SRBD1: variants seen among roughly 807,000 people sequenced by gnomAD.
SRBD1 encodes the protein S1 RNA binding domain 1, also known as S1 RNA-binding domain-containing protein 1.
Under a neutral mutation model 115.3 loss-of-function variants are expected in SRBD1, and 88 were observed. That is an observed-to-expected ratio of 0.76 (90% CI 0.64 to 0.91). The LOEUF (loss-of-function observed/expected upper bound fraction) is 0.91, where lower values mean the gene tolerates loss of function less well. Ranked by LOEUF, SRBD1 falls within the 40% of genes least tolerant of loss-of-function variation. The probability of loss-of-function intolerance (pLI) is 0.00; values close to 1 mark genes in which losing one functional copy is unlikely to be tolerated. For missense variants in SRBD1, 1,385 were observed against 1,177.4 expected, an observed-to-expected ratio of 1.18 and a Z score of -2.58; for synonymous variants, 509 against 407.7, an observed-to-expected ratio of 1.25 and a Z score of -2.99.
chr2:45,506,616 T>C (rs1485730106), intron 14 of SRBD1, among the ~76,000 whole-genome samples: 1 of 152,178 alleles, frequency 6.6e-6, no homozygotes, highest in East Asian at 1.9e-4. Context: ...TGTCATCAGC[T>C]AGCAAGTACT....
intron 7 of SRBD1, among the ~76,000 whole-genome samples, chr2:45,579,036 C>A (rs1366634385): frequency 1.3e-5 from 2 of 152,012 alleles, no homozygotes; most frequent in Non-Finnish European, 1.5e-5. Context: ...AGAGTAGAGA[C>A]CACCAAAACA....
rs1224474310 is a variant in SRBD1 at position 45,471,747 on chromosome 2, TAGAG to T, written c.2049+5242_2049+5245del. Reference sequence around the variant, plus strand: ...CCCTCTAAAATTTGGGTTTCTTTGATAGAGAGAAATTTGTTTCTTCCACAGTAAA... The same window carrying T: ...CCCTCTAAAATTTGGGTTTCTTTGATAGAAATTTGTTTCTTCCACAGTAAA... On this transcript the variant is annotated intron_variant, in intron 16 of 20. Coordinates refer to ENST00000263736, the MANE Select transcript of SRBD1 (RefSeq NM_018079.5). Among the ~76,000 whole-genome samples, 14 of 152,276 alleles carry T rather than the reference TAGAG, an allele frequency of 9.2e-5. No individual in the cohort carries two copies. The South Asian group carries it at 1.0e-3, about 11-fold the overall frequency.
At chr2:45,565,323 A>T (rs1290757166) in intron 9 of SRBD1, among the ~76,000 whole-genome samples, 1 of 152,212 alleles carries the variant, frequency 6.6e-6, no homozygotes, top group Admixed American at 6.5e-5. Flanking sequence ...AAATAAACTT[A>T]TACATATAGT....
rs1672375056 is a variant in SRBD1 at position 45,553,675 on chromosome 2, G to C, written c.1465C>G (p.Leu489Val). 6.2e-7 allele frequency: 1 copy of C among 1,608,428 alleles called. No individual in the cohort carries two copies. Among genetic ancestry groups the C allele is most frequent in the African/African-American group, 1.3e-5 (1 of 74,834 alleles). The change falls in exon 11 of 21, where the codon CTG (leucine) becomes GTG (valine). Residue 489 changes from leucine (L) to valine (V), a missense_variant. Coordinates refer to ENST00000263736, the MANE Select transcript of SRBD1 (RefSeq NM_018079.5). ...PELMKILYNS[L>V]NDSFKRLIYP... ...ATAAGGCGTTTAAAGGAATCATTCAGTGAATTATATAAGATCTTCATTAAC... is the reference window on the plus strand; with the variant it reads ...ATAAGGCGTTTAAAGGAATCATTCACTGAATTATATAAGATCTTCATTAAC...
intron 15 of SRBD1, among the ~76,000 whole-genome samples, chr2:45,479,224 T>C (rs987499623): frequency 6.6e-6 from 1 of 152,080 alleles, no homozygotes; most frequent in Non-Finnish European, 1.5e-5. Context: ...GGCCAATAAA[T>C]AACCCTACAA....
At chr2:45,549,250 C>T (rs1165578941) in intron 12 of SRBD1, among the ~76,000 whole-genome samples, 5 of 148,534 alleles carry the variant, frequency 3.4e-5, no homozygotes, top group African/African-American at 1.2e-4. Flanking sequence ...AGGAAAGCAA[C>T]AGAGAAGCAG....
intron 18 of SRBD1, among the ~76,000 whole-genome samples, chr2:45,414,718 A>ATACACACAGTGTGTATATAGTATG (rs1667732161): frequency 6.6e-5 from 7 of 105,922 alleles, no homozygotes; most frequent in South Asian, 5.4e-4. Flanking sequence ...TAGTATGTAT[A>ATACACACAGTGTGTATATAGTATG]TACACACACA....
intron 9 of SRBD1, among the ~76,000 whole-genome samples, chr2:45,569,861 A>T (rs935681946): frequency 4.6e-5 from 7 of 152,230 alleles, no homozygotes; most frequent in Non-Finnish European, 8.8e-5. Flanking sequence ...AATGCAAACA[A>T]AAGTGATTAT....
At chr2:45,603,152 A>G (rs1674153548) in intron 2 of SRBD1, among the ~76,000 whole-genome samples, 1 of 152,214 alleles carries the variant, frequency 6.6e-6, no homozygotes, top group South Asian at 2.1e-4. Flanking sequence ...TCACCTATCA[A>G]CCAGGATTAC....
intron 16 of SRBD1, among the ~76,000 whole-genome samples, chr2:45,442,305 C>G (rs1668693282): frequency 6.6e-6 from 1 of 152,186 alleles, no homozygotes. Context: ...TACGTTGGTA[C>G]AGACACATAC....
At chr2:45,555,740 T>G (rs1049225642) in intron 10 of SRBD1, among the ~76,000 whole-genome samples, 1 of 152,054 alleles carries the variant, frequency 6.6e-6, no homozygotes, top group Non-Finnish European at 1.5e-5. Flanking sequence ...GATCTGCCCA[T>G]GTCAGCCTCC....
At chr2:45,537,280 C>T (rs2344658) in intron 14 of SRBD1, among the ~76,000 whole-genome samples, 94,712 of 152,022 alleles carry the variant, frequency 0.62, 29,984 homozygotes, top group Non-Finnish European at 0.65. Flanking sequence ...CCTATACTTA[C>T]CTAAAAATTG....
Position 45,432,949 on chromosome 2 carries a change from G to A in SRBD1, c.2050-13055C>T, listed in dbSNP as rs991431326. 3.3e-5 allele frequency among the ~76,000 whole-genome samples: 5 copies of A among 152,062 alleles called. No homozygotes were observed. The South Asian group carries it at 6.2e-4, about 19-fold the overall frequency. On this transcript the variant is annotated intron_variant, in intron 16 of 20. Coordinates refer to ENST00000263736, the MANE Select transcript of SRBD1 (RefSeq NM_018079.5). ...TGTGTTTTATTTTGCCCTGAAGGACGAAAAGTATCTAACAACTATTATTTT... is the reference window on the plus strand; with the variant it reads ...TGTGTTTTATTTTGCCCTGAAGGACAAAAAGTATCTAACAACTATTATTTT...
At chr2:45,570,251 G>A (rs1203515974) in intron 9 of SRBD1, among the ~76,000 whole-genome samples, 1 of 152,168 alleles carries the variant, frequency 6.6e-6, no homozygotes, top group Non-Finnish European at 1.5e-5. Context: ...GGAAAGCTCT[G>A]GCAAAAGGAC....
chr2:45,551,307 A>T, intron 11 of SRBD1, 25 bp from the exon 12 acceptor site: 2 of 1,574,206 alleles, frequency 1.3e-6, no homozygotes, highest in Non-Finnish European at 1.7e-6. Flanking sequence ...GAAAAGAAAA[A>T]GTTTTTCATT....
chr2:45,519,803 C>T (rs375977474), intron 14 of SRBD1, among the ~76,000 whole-genome samples: 2 of 152,062 alleles, frequency 1.3e-5, no homozygotes, highest in East Asian at 1.9e-4. Flanking sequence ...AGTAATGGAG[C>T]CTTCTTCTAA....
At chr2:45,443,434 C>A (rs1292259418) in intron 16 of SRBD1, among the ~76,000 whole-genome samples, 2 of 152,030 alleles carry the variant, frequency 1.3e-5, no homozygotes, top group Admixed American at 6.6e-5. Flanking sequence ...GACAGTACTG[C>A]GGTTTTAATT....
chr2:45,471,638 T>A (rs1669650378), intron 16 of SRBD1, among the ~76,000 whole-genome samples: 1 of 152,144 alleles, frequency 6.6e-6, no homozygotes, highest in Non-Finnish European at 1.5e-5. Context: ...ATATAAAATG[T>A]TCACCTCACT....
At chr2:45,579,775 T>C in intron 7 of SRBD1, 100 bp downstream of exon 7, 1 of 1,301,508 alleles carries the variant, frequency 7.7e-7, no homozygotes, top group Non-Finnish European at 1.0e-6. Context: ...AATATTCTTT[T>C]GTATAATCAG....
Sources: gnomAD v4.1 joint callset for allele counts (sites outside exome capture counted in the v4.1 genomes callset) on GRCh38, gnomAD v4.1.1 for gene constraint, MANE v1.5 for transcripts, NCBI Gene and HGNC (gene_info 2026-07-23, HGNC 2026-07-21) for gene names.